The following TENM1 variants were observed in gnomAD, a reference collection of about 807,000 sequenced individuals.
The protein encoded by TENM1 is teneurin transmembrane protein 1.
A neutral mutation model predicts 174.8 loss-of-function variants in TENM1; 35 were observed. That is an observed-to-expected ratio of 0.20 (90% CI 0.15 to 0.27). TENM1 has a LOEUF of 0.27. Among genes scored for constraint, TENM1 ranks in the 10% least tolerant of loss-of-function variants. The probability of loss-of-function intolerance (pLI) is 1.00; values close to 1 mark genes in which losing one functional copy is unlikely to be tolerated. For missense variants in TENM1, 1,633 were observed against 2,130.1 expected, an observed-to-expected ratio of 0.77 and a Z score of 4.59; for synonymous variants, 781 against 798.7, an observed-to-expected ratio of 0.98 and a Z score of 0.37.
intron 14 of TENM1, among the ~76,000 whole-genome samples, chrX:124,551,207 G>A (rs1260336976): frequency 1.8e-5 from 2 of 111,950 alleles, no homozygotes; most frequent in African/African-American, 6.5e-5. Context: ...GAGATTGGGT[G>A]CACTCAGGGT....
intron 1 of TENM1, among the ~76,000 whole-genome samples, chrX:124,911,433 G>A (rs1042606955): frequency 2.7e-5 from 3 of 111,390 alleles, no homozygotes; most frequent in Non-Finnish European, 5.6e-5. Context: ...AGTAAGTGCC[G>A]TGATAGATCT....
chrX:124,475,607 T>C (rs759959650), intron 22 of TENM1, among the ~76,000 whole-genome samples: 30 of 112,220 alleles, frequency 2.7e-4, no homozygotes, highest in Non-Finnish European at 4.9e-4. Flanking sequence ...TGTGTGACAC[T>C]TGATACTGTT....
In TENM1 at chrX:124,634,348, C is replaced by T. The variant is rs139356469; in HGVS notation, c.2077+7443G>A. Reference sequence around the variant, plus strand: ...CTTTTTTTTTCTGAGAACTCAGTTACTATTTCTAAGAAACCCAGGTGTGTG... The same window carrying T: ...CTTTTTTTTTCTGAGAACTCAGTTATTATTTCTAAGAAACCCAGGTGTGTG... On this transcript the variant is annotated intron_variant, in intron 11 of 31. Transcript: ENST00000422452. 5.8e-3 allele frequency among the ~76,000 whole-genome samples: 649 copies of T among 111,065 alleles called. 4 individuals carry two copies. Among genetic ancestry groups the T allele is most frequent in the African/African-American group, 0.02 (602 of 30,635 alleles).
At chrX:124,966,902 G>A (rs985783792), upstream of TENM1, among the ~76,000 whole-genome samples, 12 of 111,209 alleles carry the variant, frequency 1.1e-4, no homozygotes, top group Admixed American at 1.9e-4. Flanking sequence ...AATACATGTT[G>A]AATGAATAAA....
At chrX:125,011,956 G>T in the TENM1 span, among the ~76,000 whole-genome samples, 1 of 111,517 alleles carries the variant, frequency 9.0e-6, no homozygotes, top group African/African-American at 3.3e-5. Context: ...ACCTATGATA[G>T]ACTGGAAAAA....
chrX:124,679,509 A>G (rs929281333), intron 5 of TENM1, among the ~76,000 whole-genome samples: 1 of 112,253 alleles, frequency 8.9e-6, no homozygotes, highest in Non-Finnish European at 1.9e-5. Context: ...TGCTTCTGCA[A>G]TAAGGAATAT....
intron 25 of TENM1, 135 bp downstream of exon 28, chrX:124,420,176 C>T (rs1282619277): frequency 3.7e-6 from 3 of 809,524 alleles, no homozygotes; most frequent in Non-Finnish European, 5.2e-6. Context: ...TTCTCCTTGA[C>T]TTTTCATTTT....
At chrX:124,656,393 T>G (rs1384505102) in intron 6 of TENM1, among the ~76,000 whole-genome samples, 2 of 112,588 alleles carry the variant, frequency 1.8e-5, no homozygotes, top group South Asian at 3.6e-4. Flanking sequence ...TATGCATAAG[T>G]TATTCATGAA....
At chrX:124,689,246 A>AT (rs1399745049) in intron 5 of TENM1, among the ~76,000 whole-genome samples, 121 of 112,080 alleles carry the variant, frequency 1.1e-3, no homozygotes, top group Middle Eastern at 4.7e-3. Flanking sequence ...AAAGTGTTGG[A>AT]TTTTTTAAAA....
rs1240033172 is a variant in TENM1, at chrX:124,963,689, G to T, written c.65C>A (p.Ala22Asp). 5 of 1,211,674 alleles carry T rather than the reference G, an allele frequency of 4.1e-6. No individual in the cohort carries two copies. In the South Asian group the frequency reaches 8.8e-5, roughly 21 times the overall value. ...ACTCTCATCAGAAGAACTGGTGTAA[G>T]CTAGATCCATTTCATGCTTGACTTT... The change falls in exon 1 of 32, where the codon GCT (alanine) becomes GAT (aspartate). Residue 22 changes from alanine to aspartate, a missense_variant. Physicochemically the swap from Ala to Asp is moderately radical, Grantham distance 126. This residue lies in a region of TENM1 where 305 missense variants were observed against 309.2 expected (regional missense o/e 0.99). Coordinates refer to ENST00000422452, the Ensembl canonical transcript of TENM1.
intron 7 of TENM1, among the ~76,000 whole-genome samples, chrX:124,652,991 A>G (rs184879989): frequency 9.0e-6 from 1 of 111,714 alleles, no homozygotes; most frequent in East Asian, 2.8e-4. Context: ...CCAGTGTTTG[A>G]TCACTTTTTC....
intron 3 of TENM1, among the ~76,000 whole-genome samples, chrX:124,883,964 C>G (rs979292434): frequency 1.8e-5 from 2 of 110,895 alleles, no homozygotes; most frequent in Non-Finnish European, 3.8e-5. Context: ...TGACTGTGGT[C>G]GGCAGGGGTA....
chrX:124,827,799 C>T, intron 3 of TENM1, among the ~76,000 whole-genome samples: 1 of 112,022 alleles, frequency 8.9e-6, no homozygotes, highest in Non-Finnish European at 1.9e-5. Flanking sequence ...AGCTTTACTG[C>T]ATAAAGAAAT....
intron 23 of TENM1, among the ~76,000 whole-genome samples, chrX:124,439,629 T>C (rs1395186985): frequency 3.6e-5 from 4 of 111,510 alleles, no homozygotes; most frequent in East Asian, 2.8e-4. Flanking sequence ...TGCCTCTCTG[T>C]AAAAGGTACA....
At chrX:124,583,461 A>C (rs1317533092) in intron 11 of TENM1, among the ~76,000 whole-genome samples, 25 of 111,923 alleles carry the variant, frequency 2.2e-4, no homozygotes, top group East Asian at 5.7e-4. Flanking sequence ...TCCAACAGAC[A>C]TGCAGCTGAG....
chrX:124,729,298 G>T (rs1285857027), intron 4 of TENM1, among the ~76,000 whole-genome samples: 1 of 112,187 alleles, frequency 8.9e-6, no homozygotes, highest in Non-Finnish European at 1.9e-5. Context: ...AATATTTATT[G>T]CACACTTTCT....
intron 1 of TENM1, among the ~76,000 whole-genome samples, chrX:124,912,355 C>G (rs781550555): frequency 2.7e-5 from 3 of 111,601 alleles, no homozygotes; most frequent in Non-Finnish European, 5.6e-5. Context: ...ACATTTGTCC[C>G]TGTTCTGTGT....
the TENM1 span, among the ~76,000 whole-genome samples, chrX:125,158,133 A>G: frequency 9.0e-6 from 1 of 110,842 alleles, no homozygotes; most frequent in African/African-American, 3.3e-5. Context: ...GGCCAGGTGT[A>G]GTGCTGCATG....
At chrX:125,169,936 A>G in the TENM1 span, among the ~76,000 whole-genome samples, 33 of 111,602 alleles carry the variant, frequency 3.0e-4, no homozygotes, top group African/African-American at 1.0e-3. Flanking sequence ...AAAACCTATC[A>G]AACTTCAAAT....
Sources: allele counts gnomAD v4.1 joint callset (sites outside exome capture counted in the v4.1 genomes callset), GRCh38; gene constraint gnomAD v4.1.1; regional missense constraint gnomAD v4.1.1; transcripts MANE v1.5; gene names NCBI Gene and HGNC (gene_info 2026-07-23, HGNC 2026-07-21).